The following MTA3 variants were observed in gnomAD, a reference collection of about 807,000 sequenced individuals.
MTA3 encodes metastasis-associated protein MTA3.
In MTA3, 34 loss-of-function variants were observed where a neutral mutation model predicts 83.5. The ratio of observed to expected loss-of-function variants is 0.41; its 90% CI spans 0.31 to 0.54. The LOEUF (loss-of-function observed/expected upper bound fraction) is 0.54. MTA3 is among the 20% of genes least tolerant of loss of function. The pLI is 0.33. For synonymous variants in MTA3, 303 were observed against 252.7 expected (o/e 1.20, Z -1.89); for missense variants, 761 against 726.4 (o/e 1.05, Z -0.55).
chr2:42,594,788 G>GTGGCA (rs1403979122), intron 3 of MTA3, among the ~76,000 whole-genome samples: 7 of 128,898 alleles, frequency 5.4e-5, no homozygotes, highest in Admixed American at 2.6e-4. Context: ...GTCCAGTGGC[G>GTGGCA]CGATCTCAGC....
intron 2 of MTA3, among the ~76,000 whole-genome samples, chr2:42,549,400 TACG>T (rs1294078408): frequency 1.7e-5 from 2 of 118,054 alleles, no homozygotes; most frequent in Non-Finnish European, 3.2e-5. Flanking sequence ...ATATTATATA[TACG>T]TATATAATAT....
rs115769698 is a variant in MTA3 at position 42,593,523 on chromosome 2, A to G, written c.190+14323A>G. ...AGACATGTGAGTAATGCTTTGTGCC[A>G]TGATATTACCGCTATAGTGTCACTG... is the stretch of plus-strand genomic sequence containing the variant. On this transcript the variant is annotated intron_variant, in intron 3 of 16. Coordinates refer to ENST00000405094, the MANE Select transcript of MTA3 (RefSeq NM_001330442.2). Among the ~76,000 whole-genome samples, 291 of 152,294 alleles carry G rather than the reference A, an allele frequency of 1.9e-3. 2 individuals carry two copies. Among genetic ancestry groups the G allele is most frequent in the African/African-American group, 6.6e-3 (276 of 41,568 alleles).
At chr2:42,711,045 C>G (rs1666564328) in intron 14 of MTA3, among the ~76,000 whole-genome samples, 1 of 152,000 alleles carries the variant, frequency 6.6e-6, no homozygotes, top group African/African-American at 2.4e-5. Flanking sequence ...TGCCACCGCA[C>G]TCCAGCCTGG....
intron 2 of MTA3, among the ~76,000 whole-genome samples, chr2:42,530,204 A>G (rs983130802): frequency 6.7e-6 from 1 of 149,238 alleles, no homozygotes; most frequent in Non-Finnish European, 1.5e-5. Flanking sequence ...AAAGATTACA[A>G]CCATTGCCGG....
chr2:42,590,292 T>G (rs935159416), intron 3 of MTA3, among the ~76,000 whole-genome samples: 1 of 152,082 alleles, frequency 6.6e-6, no homozygotes, highest in Non-Finnish European at 1.5e-5. Context: ...TGGATTAAAT[T>G]AATGCCCTCC....
At chr2:42,673,156 C>T (rs1690996003) in intron 8 of MTA3, among the ~76,000 whole-genome samples, 1 of 151,532 alleles carries the variant, frequency 6.6e-6, no homozygotes, top group East Asian at 1.9e-4. Context: ...ACCAGACCAG[C>T]ATATGAAAAA....
Position 42,497,534 on chromosome 2 carries a change from G to A in MTA3, c.-141+2280G>A, listed in dbSNP as rs143180240. ...CGGGAGGCAGAAGTTGCAGTGAGCCGAGATCGCTCCACTGCCCTTGAGCCT... is the reference window on the plus strand; with the variant it reads ...CGGGAGGCAGAAGTTGCAGTGAGCCAAGATCGCTCCACTGCCCTTGAGCCT... On this transcript the variant is annotated intron_variant, in intron 2 of 17. Transcript: ENST00000405592. Among the ~76,000 whole-genome samples the A allele has an allele frequency of 9.9e-5, 15 of 151,518 alleles. No homozygotes were observed. The East Asian group carries it at 2.7e-3, about 27-fold the overall frequency.
At chr2:42,712,526 T>G (rs528997373) in intron 14 of MTA3, among the ~76,000 whole-genome samples, 31 of 152,128 alleles carry the variant, frequency 2.0e-4, no homozygotes, top group Non-Finnish European at 4.0e-4. Flanking sequence ...CCCAAATACC[T>G]AAATATTATT....
intron 16 of MTA3, among the ~76,000 whole-genome samples, chr2:42,728,446 G>T (rs1667975952): frequency 6.6e-6 from 1 of 152,072 alleles, no homozygotes; most frequent in South Asian, 2.1e-4. Context: ...TTTCTTTTGG[G>T]TATATAACAG....
At chr2:42,705,718 A>T (rs528652589) in intron 12 of MTA3, among the ~76,000 whole-genome samples, 189 of 148,528 alleles carry the variant, frequency 1.3e-3, no homozygotes, top group Non-Finnish European at 3.0e-4. Context: ...CCCCGCCCCC[A>T]AAAAAAAAAT....
At chr2:42,598,853 T>G (rs1336621443) in intron 3 of MTA3, among the ~76,000 whole-genome samples, 1 of 152,102 alleles carries the variant, frequency 6.6e-6, no homozygotes, top group Non-Finnish European at 1.5e-5. Flanking sequence ...CTGGAGGACT[T>G]TCACATTAAC....
intron 16 of MTA3, among the ~76,000 whole-genome samples, chr2:42,728,206 T>A (rs1325582492): frequency 6.6e-6 from 1 of 152,198 alleles, no homozygotes; most frequent in Non-Finnish European, 1.5e-5. Flanking sequence ...GTCTTTCTGT[T>A]CATGGCTTAT....
At chr2:42,722,747 CATT>C (rs1385699860) in intron 15 of MTA3, 139 bp from the exon 16 acceptor site, 2 of 936,962 alleles carry the variant, frequency 2.1e-6, no homozygotes, top group African/African-American at 3.3e-5. Context: ...GAAGCTGACT[CATT>C]ATGCAAGTCC....
intron 3 of MTA3, among the ~76,000 whole-genome samples, chr2:42,598,574 T>C (rs2103984007): frequency 6.6e-6 from 1 of 152,344 alleles, no homozygotes; most frequent in African/African-American, 2.4e-5. Flanking sequence ...TCCTGTCCTC[T>C]AAATGCTTCT....
At chr2:42,727,815 A>AT (rs1273168159) in intron 16 of MTA3, among the ~76,000 whole-genome samples, 2 of 151,878 alleles carry the variant, frequency 1.3e-5, no homozygotes, top group African/African-American at 2.4e-5. Context: ...TTAATTTTTA[A>AT]TTTTTTGTGG....
intron 5 of MTA3, among the ~76,000 whole-genome samples, chr2:42,641,826 A>G (rs149546350): frequency 2.0e-5 from 3 of 152,048 alleles, no homozygotes; most frequent in Non-Finnish European, 4.4e-5. Context: ...AGATCGCGCT[A>G]CTATACCTCT....
intron 8 of MTA3, among the ~76,000 whole-genome samples, chr2:42,674,252 T>G (rs1691121139): frequency 6.6e-6 from 1 of 152,182 alleles, no homozygotes; most frequent in African/African-American, 2.4e-5. Context: ...TACTCTCCTG[T>G]GGAGGTGTGG....
rs2104471601 is a variant in MTA3, at chr2:42,695,747, GAT to G, written c.892-17_892-16del. The G allele has an allele frequency of 7.6e-7, 1 of 1,319,892 alleles. No homozygotes were observed. The highest frequency in any genetic ancestry group is 2.0e-5 in the African/African-American group (1 of 49,284). The allele number at this position is 1,319,892 out of a possible 1,614,324, so 81.8% of individuals were successfully genotyped here. On this transcript the variant is annotated splice_polypyrimidine_tract_variant and intron_variant, in intron 9 of 16. Transcript: ENST00000405094. Reference sequence around the variant, plus strand: ...TATATGTTAACATAGATGATAGGTTGATTTTTTTTTTTTTCAGCTTCCTTGGA... The same window carrying G: ...TATATGTTAACATAGATGATAGGTTGTTTTTTTTTTTTCAGCTTCCTTGGA...
intron 16 of MTA3, among the ~76,000 whole-genome samples, chr2:42,734,184 T>C (rs1182778459): frequency 6.6e-6 from 1 of 152,134 alleles, no homozygotes; most frequent in African/African-American, 2.4e-5. Context: ...GTGCAAATAA[T>C]ATTTGCTTTA....
Sources: allele counts gnomAD v4.1 joint callset (sites outside exome capture counted in the v4.1 genomes callset), GRCh38; gene constraint gnomAD v4.1.1; transcripts MANE v1.5; gene names NCBI Gene and HGNC (gene_info 2026-07-23, HGNC 2026-07-21).